Variants in PDE1A observed in about 807,000 individuals in gnomAD.
PDE1A encodes the protein dual specificity calcium/calmodulin-dependent 3',5'-cyclic nucleotide phosphodiesterase 1A.
Under a neutral mutation model 61.7 loss-of-function variants are expected in PDE1A, and 35 were observed. The ratio of observed to expected loss-of-function variants is 0.57; its 90% CI spans 0.43 to 0.75. PDE1A has a LOEUF of 0.75. PDE1A is among the 30% of genes least tolerant of loss of function. The probability of loss-of-function intolerance (pLI) is 0.00; values close to 1 mark genes in which losing one functional copy is unlikely to be tolerated. For missense variants in PDE1A, 597 were observed against 630.6 expected, an observed-to-expected ratio of 0.95 and a Z score of 0.57; for synonymous variants, 232 against 213.2, an observed-to-expected ratio of 1.09 and a Z score of -0.77.
intron 2 of PDE1A, among the ~76,000 whole-genome samples, chr2:182,500,485 G>A (rs34377459): frequency 8.9e-6 from 1 of 112,078 alleles, no homozygotes; most frequent in African/African-American, 4.4e-5. Flanking sequence ...CAGGAGCTGA[G>A]AAAAGTTTAA....
At chr2:182,644,263 CTGTGTGTGTGTG>C in the PDE1A span, among the ~76,000 whole-genome samples, 2 of 123,042 alleles carry the variant, frequency 1.6e-5, no homozygotes, top group Non-Finnish European at 3.3e-5. Flanking sequence ...TCTTAAGACT[CTGTGTGTGTGTG>C]TGTGTGTGTG....
the PDE1A span, among the ~76,000 whole-genome samples, chr2:182,598,851 T>C: frequency 1.3e-5 from 2 of 152,334 alleles, no homozygotes; most frequent in African/African-American, 4.8e-5. Context: ...AAAACCACTT[T>C]ACTATGCTCC....
chr2:182,317,576 C>A (rs1053944019), intron 1 of PDE1A, among the ~76,000 whole-genome samples: 1 of 152,070 alleles, frequency 6.6e-6, no homozygotes, highest in African/African-American at 2.4e-5. Context: ...ATGAGTGCTG[C>A]AACAAGGAAA....
chr2:182,637,716 G>A, the PDE1A span, among the ~76,000 whole-genome samples: 1 of 152,050 alleles, frequency 6.6e-6, no homozygotes, highest in Non-Finnish European at 1.5e-5. Flanking sequence ...GAGACCAAGA[G>A]TTCAAGACCA....
chr2:182,673,428 C>G, the PDE1A span, among the ~76,000 whole-genome samples: 17 of 152,254 alleles, frequency 1.1e-4, no homozygotes, highest in African/African-American at 4.1e-4. Context: ...TATGACTCCA[C>G]TTCTTTTTAC....
chr2:182,239,401 T>C (rs1009075002), intron 3 of PDE1A, among the ~76,000 whole-genome samples: 13 of 152,168 alleles, frequency 8.5e-5, no homozygotes, highest in African/African-American at 2.4e-4. Context: ...CTGTCAAACA[T>C]AAAATGTCTA....
chr2:182,174,885 T>G lies in PDE1A; in HGVS notation c.1517-6595A>C, dbSNP rs191893528. Among the ~76,000 whole-genome samples the G allele has an allele frequency of 7.2e-5, 11 of 152,140 alleles. No homozygotes were observed. The East Asian group carries it at 2.1e-3, about 29-fold the overall frequency. On this transcript the variant is annotated intron_variant, in intron 13 of 13. Coordinates refer to ENST00000351439, the Ensembl canonical transcript of PDE1A. ...CATTAGATATTTCTCCTAATGCTAT[T>G]CCTCCCCTAGCTCCCCACCCTCTGA...
chr2:182,632,555 T>A, the PDE1A span, among the ~76,000 whole-genome samples: 1 of 152,038 alleles, frequency 6.6e-6, no homozygotes, highest in Non-Finnish European at 1.5e-5. Flanking sequence ...CAAGAAGAAA[T>A]ACTCTCTTTC....
At chr2:182,570,093 C>A in the PDE1A span, among the ~76,000 whole-genome samples, 1 of 152,064 alleles carries the variant, frequency 6.6e-6, no homozygotes, top group Non-Finnish European at 1.5e-5. Context: ...GGTTTGGGGA[C>A]ACAAAATTGT....
chr2:182,630,992 T>C, the PDE1A span, among the ~76,000 whole-genome samples: 581 of 151,966 alleles, frequency 3.8e-3, 5 homozygotes, highest in Non-Finnish European at 6.5e-3. Context: ...ACGTTGTGTG[T>C]ATATATATAT....
chr2:182,367,327 G>T (rs528811719), intron 1 of PDE1A, among the ~76,000 whole-genome samples: 2 of 151,888 alleles, frequency 1.3e-5, no homozygotes, highest in African/African-American at 4.8e-5. Context: ...AAAATAATTT[G>T]TTCATTTGTT....
chr2:182,349,169 A>C (rs1473361367), intron 1 of PDE1A, among the ~76,000 whole-genome samples: 1 of 152,194 alleles, frequency 6.6e-6, no homozygotes, highest in East Asian at 1.9e-4. Context: ...CAGGAGAAGT[A>C]TTTCAATATA....
At chr2:182,262,794 C>T (rs1215070632) in intron 2 of PDE1A, among the ~76,000 whole-genome samples, 2 of 151,952 alleles carry the variant, frequency 1.3e-5, no homozygotes, top group Admixed American at 6.6e-5. Flanking sequence ...AGACTGTTTA[C>T]GTAGTATACT....
chr2:182,157,594 T>C (rs1691163170), intron 13 of PDE1A, among the ~76,000 whole-genome samples: 2 of 152,188 alleles, frequency 1.3e-5, no homozygotes, highest in South Asian at 4.1e-4. Flanking sequence ...AAGTTTCCTT[T>C]GATTTTTTTT....
At chr2:182,199,845 C>G (rs547118615) in intron 10 of PDE1A, among the ~76,000 whole-genome samples, 13 of 152,224 alleles carry the variant, frequency 8.5e-5, no homozygotes, top group Admixed American at 3.9e-4. Flanking sequence ...AAAAATGAAA[C>G]CACACATTAT....
intron 2 of PDE1A, among the ~76,000 whole-genome samples, chr2:182,248,923 G>T (rs1691190572): frequency 6.6e-6 from 1 of 152,190 alleles, no homozygotes; most frequent in South Asian, 2.1e-4. Flanking sequence ...TGGGCTCAGG[G>T]TAGGAGCATA....
intron 13 of PDE1A, among the ~76,000 whole-genome samples, chr2:182,149,301 T>C (rs985578297): frequency 2.0e-5 from 3 of 152,050 alleles, no homozygotes; most frequent in Non-Finnish European, 4.4e-5. Flanking sequence ...AATAAAGAAA[T>C]CAGCAGTAAT....
the PDE1A span, among the ~76,000 whole-genome samples, chr2:182,558,647 A>T: frequency 6.6e-6 from 1 of 152,240 alleles, no homozygotes; most frequent in African/African-American, 2.4e-5. Context: ...TGTAAAAGTG[A>T]AACAGCTAAC....
intron 2 of PDE1A, among the ~76,000 whole-genome samples, chr2:182,488,229 A>G (rs917353752): frequency 1.3e-5 from 2 of 152,236 alleles, no homozygotes; most frequent in African/African-American, 4.8e-5. Context: ...TAATCTGTCA[A>G]TATTAAAATG....
Sources: gnomAD v4.1 joint callset for allele counts (sites outside exome capture counted in the v4.1 genomes callset) on GRCh38, gnomAD v4.1.1 for gene constraint, MANE v1.5 for transcripts, NCBI Gene and HGNC (gene_info 2026-07-23, HGNC 2026-07-21) for gene names.